The following AGAP5 variants were observed in gnomAD, a reference collection of about 807,000 sequenced individuals.
AGAP5 encodes arf-GAP with GTPase, ANK repeat and PH domain-containing protein 5.
A neutral mutation model predicts 27.7 loss-of-function variants in AGAP5; 8 were observed. The observed-to-expected ratio is 0.29, with a 90% CI of 0.17 to 0.52. The LOEUF (loss-of-function observed/expected upper bound fraction) is 0.52, where lower values mean the gene tolerates loss of function less well. Among genes scored for constraint, AGAP5 ranks in the 20% least tolerant of loss-of-function variants. The pLI is 0.97. For missense variants in AGAP5, 285 were observed against 880.8 expected (o/e 0.32, Z 8.56); for synonymous variants, 111 against 338.0 (o/e 0.33, Z 7.37).
At chr10:73,682,635 ATGGC>A in intron 5 of AGAP5, 55 bp downstream of exon 5, 1 of 1,246,066 alleles carries the variant, frequency 8.0e-7, no homozygotes. Context: ...GGACAACCAA[ATGGC>A]TGAAATAATT....
intron 6 of AGAP5, among the ~76,000 whole-genome samples, chr10:73,679,219 A>G (rs2082005371): frequency 6.6e-6 from 1 of 151,548 alleles, no homozygotes; most frequent in Non-Finnish European, 1.5e-5. Context: ...CTGCAGTGCA[A>G]TGGCACAATC....
intron 4 of AGAP5, among the ~76,000 whole-genome samples, chr10:73,685,645 G>A (rs899607254): frequency 2.7e-5 from 4 of 150,858 alleles, no homozygotes; most frequent in Non-Finnish European, 5.9e-5. Context: ...CTCTGCCTCC[G>A]AGGTTCAAGC....
In AGAP5 at chr10:73,697,956, C is replaced by A; in HGVS notation, c.-201G>T. On this transcript the variant is annotated 5_prime_UTR_variant, in exon 1 of 8. Coordinates refer to ENST00000374094, the MANE Select transcript of AGAP5 (RefSeq NM_001144000.4). ...CTAGGGCTGCGGGTCAAGGCCCACA[C>A]CCTGCTGCCTCCCCTGAGTTGACTT... is the stretch of plus-strand genomic sequence containing the variant. The A allele has an allele frequency of 6.6e-7, 1 of 1,507,926 alleles. No individual in the cohort carries two copies. Among genetic ancestry groups the A allele is most frequent in the Non-Finnish European group, 8.8e-7 (1 of 1,132,934 alleles). The allele number at this position is 1,507,926 out of a possible 1,614,324, so 93.4% of individuals were successfully genotyped here.
At chr10:73,689,101 T>C (rs1274350351) in intron 4 of AGAP5, among the ~76,000 whole-genome samples, 3 of 152,190 alleles carry the variant, frequency 2.0e-5, no homozygotes, top group Admixed American at 6.5e-5. Context: ...ATTCTCCTGC[T>C]TCAGCCTGCC....
At chr10:73,691,350 A>T (rs1331093214) in intron 4 of AGAP5, among the ~76,000 whole-genome samples, 2 of 152,198 alleles carry the variant, frequency 1.3e-5, no homozygotes, top group East Asian at 3.8e-4. Flanking sequence ...GAAGAAACAC[A>T]GGGAGAAACA....
chr10:73,690,127 A>C (rs1462758160), intron 4 of AGAP5, among the ~76,000 whole-genome samples: 1 of 152,260 alleles, frequency 6.6e-6, no homozygotes, highest in Non-Finnish European at 1.5e-5. Context: ...CTCATTGAGA[A>C]CGGGCCATGA....
At chr10:73,686,837 G>C (rs527672101) in intron 4 of AGAP5, among the ~76,000 whole-genome samples, 1 of 152,148 alleles carries the variant, frequency 6.6e-6, no homozygotes, top group East Asian at 1.9e-4. Flanking sequence ...CAGCAACCTC[G>C]ATGGAAGTAA....
intron 3 of AGAP5, among the ~76,000 whole-genome samples, chr10:73,694,333 A>G (rs1589478366): frequency 6.6e-6 from 1 of 152,200 alleles, no homozygotes; most frequent in Admixed American, 6.5e-5. Context: ...TATGTTTTTT[A>G]ATTTGTTTAA....
rs1178366125 is a variant in AGAP5 at position 73,676,309 on chromosome 10, GA to G, written c.586-236del. Among the ~76,000 whole-genome samples the G allele has an allele frequency of 7.1e-3, 338 of 47,716 alleles. 3 individuals carry two copies. Among genetic ancestry groups the G allele is most frequent in the Middle Eastern group, 0.019 (1 of 52 alleles). 31.3% of individuals were successfully genotyped at this position (47,716 alleles called of 152,430 possible). Reference sequence around the variant, plus strand: ...GTCTTTACAAAAAAAAAAAAAAAAAGAAAAGAAAAAAGAAAAAAAAATTAGC... The same window carrying G: ...GTCTTTACAAAAAAAAAAAAAAAAAGAAAGAAAAAAGAAAAAAAAATTAGC... On this transcript the variant is annotated intron_variant, in intron 7 of 7. Transcript: ENST00000374094.
chr10:73,686,394 C>T (rs903001582), intron 4 of AGAP5, among the ~76,000 whole-genome samples: 2 of 152,182 alleles, frequency 1.3e-5, no homozygotes, highest in African/African-American at 4.8e-5. Flanking sequence ...TCATCTTACA[C>T]AAAAATCAAC....
At chr10:73,689,561 G>A (rs868421453) in intron 4 of AGAP5, among the ~76,000 whole-genome samples, 252 of 151,458 alleles carry the variant, frequency 1.7e-3, no homozygotes, top group Middle Eastern at 0.01. Context: ...CTTCCCGGCC[G>A]CCATCCCATC....
At chr10:73,689,744 C>T (rs1365545514) in intron 4 of AGAP5, among the ~76,000 whole-genome samples, 1 of 151,270 alleles carries the variant, frequency 6.6e-6, no homozygotes, top group Non-Finnish European at 1.5e-5. Flanking sequence ...AGGAGCCCCT[C>T]CGCCTGGCAG....
intron 4 of AGAP5, among the ~76,000 whole-genome samples, chr10:73,690,643 G>A (rs571306581): frequency 2.8e-4 from 41 of 148,842 alleles, no homozygotes; most frequent in African/African-American, 9.6e-4. Context: ...ACTGCAAAAT[G>A]TCTTCAGAAC....
At chr10:73,689,038 C>A (rs1433246574) in intron 4 of AGAP5, among the ~76,000 whole-genome samples, 2 of 152,234 alleles carry the variant, frequency 1.3e-5, no homozygotes, top group African/African-American at 4.8e-5. Flanking sequence ...TGATGCCCAG[C>A]CGAAGCTGGA....
intron 6 of AGAP5, among the ~76,000 whole-genome samples, chr10:73,677,344 C>G (rs1207431993): frequency 4.0e-5 from 6 of 148,378 alleles, no homozygotes; most frequent in Non-Finnish European, 7.4e-5. Flanking sequence ...CCCGAAGACC[C>G]CTTCCAGAAG....
chr10:73,674,373 A>G lies in AGAP5; in HGVS notation c.*226T>C, dbSNP rs965451326. 4.8e-6 allele frequency: 3 copies of G among 619,220 alleles called. No homozygotes were observed. The highest frequency in any genetic ancestry group is 1.8e-5 in the African/African-American group (1 of 54,056). The allele number at this position is 619,220 out of a possible 1,614,324, so 38.4% of individuals were successfully genotyped here. ...TACAGAAGCCTGTGTGACTTGGGCA[A>G]TGTGGCCAGGAGGGCCTGAGACTAA... On this transcript the variant is annotated 3_prime_UTR_variant, in exon 8 of 8. Coordinates refer to ENST00000374094, the MANE Select transcript of AGAP5 (RefSeq NM_001144000.4).
rs1213934090 is a variant in AGAP5, at chr10:73,682,004, G to A, written c.497+690C>T. On this transcript the variant is annotated intron_variant, in intron 5 of 7. Transcript: ENST00000374094. ...ACAATTGAATTAGCTAAAAAGGCTA[G>A]TGCATCTGAAACAAAATTGTTTATA... is the stretch of plus-strand genomic sequence containing the variant. The A allele has an allele frequency of 4.1e-6, 4 of 985,084 alleles. No individual in the cohort carries two copies. The East Asian group carries it at 4.5e-4, about 112-fold the overall frequency. 61.0% of individuals were successfully genotyped at this position (985,084 alleles called of 1,614,324 possible).
At chr10:73,685,794 G>A (rs531383995) in intron 4 of AGAP5, among the ~76,000 whole-genome samples, 39 of 152,056 alleles carry the variant, frequency 2.6e-4, no homozygotes, top group African/African-American at 7.7e-4. Context: ...CTCATGATCC[G>A]TCCGCCTTAG....
chr10:73,697,266 T>A lies in AGAP5; in HGVS notation c.224-103A>T, dbSNP rs2082168572. 7 of 1,546,432 alleles carry A rather than the reference T, an allele frequency of 4.5e-6. No homozygotes were observed. In the Admixed American group the frequency reaches 1.3e-4, roughly 28 times the overall value. ...TTATTTGACAAGAGCCATAAATAAA[T>A]GGTCCCATGCCAGCCTGGGAGAATG... On this transcript the variant is annotated intron_variant, in intron 1 of 7. Coordinates refer to ENST00000374094, the MANE Select transcript of AGAP5 (RefSeq NM_001144000.4).
Sources: gnomAD v4.1 joint callset for allele counts (sites outside exome capture counted in the v4.1 genomes callset) on GRCh38, gnomAD v4.1.1 for gene constraint, MANE v1.5 for transcripts, NCBI Gene and HGNC (gene_info 2026-07-23, HGNC 2026-07-21) for gene names.